The following DOCK1 variants were observed in gnomAD, a reference collection of about 807,000 sequenced individuals.
DOCK1 encodes the protein dedicator of cytokinesis protein 1.
DOCK1 carries 138 observed loss-of-function variants against 262.7 expected under a neutral mutation model. The observed-to-expected ratio is 0.53, with a 90% CI of 0.46 to 0.61. The LOEUF is 0.61. Among genes scored for constraint, DOCK1 ranks in the 20% least tolerant of loss-of-function variants. The probability of loss-of-function intolerance (pLI) is 0.00; values close to 1 mark genes in which losing one functional copy is unlikely to be tolerated. For missense variants in DOCK1, 1,908 were observed against 2,370.7 expected (o/e 0.80, Z 4.05); for synonymous variants, 866 against 867.4 (o/e 1.00, Z 0.03).
intron 37 of DOCK1, among the ~76,000 whole-genome samples, chr10:127,382,986 T>C (rs542771763): frequency 6.6e-6 from 1 of 152,322 alleles, no homozygotes; most frequent in East Asian, 1.9e-4. Flanking sequence ...TCTCTCTCCA[T>C]ATCTTTTGCC....
chr10:127,288,402 G>A (rs1012727142), intron 29 of DOCK1, among the ~76,000 whole-genome samples: 1 of 152,088 alleles, frequency 6.6e-6, no homozygotes, highest in Admixed American at 6.5e-5. Context: ...TCTGGACAAC[G>A]AGGGTGCTCA....
intron 25 of DOCK1, among the ~76,000 whole-genome samples, chr10:127,123,425 C>A (rs1438387999): frequency 6.6e-6 from 1 of 152,136 alleles, no homozygotes; most frequent in Non-Finnish European, 1.5e-5. Context: ...ATGGTGGGCA[C>A]CACGAGGAAG....
At chr10:126,943,921 G>A in intron 1 of DOCK1, among the ~76,000 whole-genome samples, 1 of 152,266 alleles carries the variant, frequency 6.6e-6, no homozygotes, top group South Asian at 2.1e-4. Flanking sequence ...GCTGTCTGGA[G>A]GAATTTGGAC....
intron 27 of DOCK1, among the ~76,000 whole-genome samples, chr10:127,242,769 G>A (rs1296749216): frequency 5.3e-5 from 8 of 152,140 alleles, no homozygotes; most frequent in Admixed American, 5.2e-4. Flanking sequence ...AAGCATTTGA[G>A]TGAGATTTCC....
chr10:127,074,205 A>AGT (rs1343066079), intron 23 of DOCK1, among the ~76,000 whole-genome samples: 3 of 152,204 alleles, frequency 2.0e-5, no homozygotes, highest in Non-Finnish European at 4.4e-5. Context: ...GAAATCATGG[A>AGT]GTTATATGAG....
chr10:127,368,004 G>A (rs115932940), intron 33 of DOCK1, among the ~76,000 whole-genome samples: 299 of 152,254 alleles, frequency 2.0e-3, no homozygotes, highest in African/African-American at 6.9e-3. Flanking sequence ...CCATCACTGG[G>A]CACTCTTGTG....
chr10:127,149,661 A>G (rs1382827331), intron 27 of DOCK1, among the ~76,000 whole-genome samples: 1 of 151,930 alleles, frequency 6.6e-6, no homozygotes, highest in East Asian at 2.0e-4. Context: ...GGCAGGGTCA[A>G]ATTCATTTCC....
chr10:127,286,826 A>G (rs2061169773), intron 29 of DOCK1, among the ~76,000 whole-genome samples: 1 of 150,912 alleles, frequency 6.6e-6, no homozygotes, highest in Non-Finnish European at 1.5e-5. Context: ...ATATCTAGTA[A>G]GTTTCCGATA....
chr10:127,201,771 C>T (rs993409808), intron 27 of DOCK1, among the ~76,000 whole-genome samples: 4 of 152,254 alleles, frequency 2.6e-5, no homozygotes, highest in Non-Finnish European at 5.9e-5. Flanking sequence ...TTCTTTTAGG[C>T]GGACTCCTGG....
chr10:126,994,908 C>A (rs1408565690), intron 6 of DOCK1, among the ~76,000 whole-genome samples: 2 of 150,324 alleles, frequency 1.3e-5, no homozygotes, highest in Admixed American at 1.3e-4. Context: ...GGCAGAGGCG[C>A]CCCCCACCTC....
At chr10:127,214,633 G>A (rs931902020) in intron 27 of DOCK1, among the ~76,000 whole-genome samples, 18 of 152,168 alleles carry the variant, frequency 1.2e-4, no homozygotes, top group African/African-American at 3.6e-4. Flanking sequence ...TTAGGACAGC[G>A]TGTTAGATCC....
intron 1 of DOCK1, among the ~76,000 whole-genome samples, chr10:126,918,954 A>C: frequency 6.7e-6 from 1 of 150,004 alleles, no homozygotes; most frequent in South Asian, 2.1e-4. Context: ...GCAGATGGGC[A>C]CAGAGGATTT....
intron 17 of DOCK1, among the ~76,000 whole-genome samples, 173 bp from the exon 18 acceptor site, chr10:127,031,964 A>T (rs537775061): frequency 6.6e-6 from 1 of 152,358 alleles, no homozygotes; most frequent in South Asian, 2.1e-4. Context: ...CCATCTAAAA[A>T]TGCCGTGAAC....
Position 126,927,887 on chromosome 10 carries a change from T to C in DOCK1, c.46+22324T>C, listed in dbSNP as rs953112755. Among the ~76,000 whole-genome samples, 284 of 152,190 alleles carry C rather than the reference T, an allele frequency of 1.9e-3. 1 individual carries two copies. The highest frequency in any genetic ancestry group is 6.5e-3 in the African/African-American group (268 of 41,544). On this transcript the variant is annotated intron_variant, in intron 1 of 51. Coordinates refer to ENST00000623213, the MANE Select transcript of DOCK1 (RefSeq NM_001290223.2). ...GCTGTGGCTGCCTAGCAGGAAGGAC[T>C]TGGGGCCAGGCAGTTACCATGCTCG...
chr10:127,439,072 C>T lies in DOCK1; in HGVS notation c.5106C>T (p.Ser1702=), dbSNP rs2069893472. The T allele has an allele frequency of 6.4e-7, 1 of 1,557,206 alleles. No homozygotes were observed. The change falls in exon 49 of 52, where the codon TCC becomes TCT. Residue 1702 remains serine (S), a synonymous_variant. Transcript: ENST00000623213. ...TGCCAAAGAAAATGCACTCCAGGTC[C>T]CAGGACAAGCTGGACAAGGATGACC... ...PLLPKKMHSR[S]QDKLDKDDLE... is the part of the protein sequence containing the mutation.
At chr10:127,280,015 T>C (rs1275629689) in intron 29 of DOCK1, among the ~76,000 whole-genome samples, 35 of 137,378 alleles carry the variant, frequency 2.5e-4, no homozygotes, top group Non-Finnish European at 3.8e-4. Context: ...ATTTCATATA[T>C]ATATATATAT....
intron 27 of DOCK1, among the ~76,000 whole-genome samples, chr10:127,150,077 G>T (rs901706364): frequency 1.3e-5 from 2 of 152,172 alleles, no homozygotes; most frequent in African/African-American, 4.8e-5. Context: ...ACAAGACATG[G>T]ATGTAGATTT....
At chr10:127,277,545 G>A (rs535004871) in intron 29 of DOCK1, among the ~76,000 whole-genome samples, 2 of 152,250 alleles carry the variant, frequency 1.3e-5, no homozygotes, top group Admixed American at 6.5e-5. Flanking sequence ...ATCACCTGAG[G>A]TCAGGAGTTC....
chr10:126,972,993 A>G (rs140915516), intron 2 of DOCK1, among the ~76,000 whole-genome samples: 44 of 151,854 alleles, frequency 2.9e-4, no homozygotes, highest in African/African-American at 1.0e-3. Flanking sequence ...GGAGACAGAG[A>G]GAAATTAAGT....
Sources: gnomAD v4.1 joint callset for allele counts (sites outside exome capture counted in the v4.1 genomes callset) on GRCh38, gnomAD v4.1.1 for gene constraint, MANE v1.5 for transcripts, NCBI Gene and HGNC (gene_info 2026-07-23, HGNC 2026-07-21) for gene names.